Variants in EVC2 observed in about 807,000 individuals in gnomAD.
The protein encoded by EVC2 is EvC ciliary complex subunit 2.
Under a neutral mutation model 149.3 loss-of-function variants are expected in EVC2, and 148 were observed. The observed-to-expected ratio is 0.99, with a 90% CI of 0.87 to 1.14. The LOEUF is 1.14. EVC2 is among the 50% of genes most tolerant of loss of function. EVC2 has a pLI of 0.00. For missense variants in EVC2, 1,854 were observed against 1,627.3 expected, an observed-to-expected ratio of 1.14 and a Z score of -2.40; for synonymous variants, 776 against 649.9, an observed-to-expected ratio of 1.19 and a Z score of -2.95.
intron 16 of EVC2, among the ~76,000 whole-genome samples, chr4:5,586,441 C>G (rs1247017220): frequency 6.6e-6 from 1 of 152,108 alleles, no homozygotes; most frequent in Non-Finnish European, 1.5e-5. Context: ...CCACTCCTCT[C>G]AGCAAGGGGA....
intron 6 of EVC2, among the ~76,000 whole-genome samples, 176 bp downstream of exon 6, chr4:5,685,194 A>G (rs1720611178): frequency 6.6e-6 from 1 of 152,210 alleles, no homozygotes; most frequent in African/African-American, 2.4e-5. Flanking sequence ...GGCATTACTA[A>G]GGGAGCCCAG....
chr4:5,706,197 C>T (rs1024434207), intron 1 of EVC2, among the ~76,000 whole-genome samples: 4 of 151,792 alleles, frequency 2.6e-5, no homozygotes, highest in Non-Finnish European at 5.9e-5. Flanking sequence ...TCTCACGGCT[C>T]CCCATCCTCC....
intron 16 of EVC2, among the ~76,000 whole-genome samples, chr4:5,593,202 G>A (rs1273305515): frequency 1.3e-5 from 2 of 152,120 alleles, no homozygotes; most frequent in Non-Finnish European, 2.9e-5. Flanking sequence ...TTATAGTAGT[G>A]TGAGAATGGA....
At chr4:5,654,420 CCT>C (rs1213651320) in intron 9 of EVC2, among the ~76,000 whole-genome samples, 1 of 152,170 alleles carries the variant, frequency 6.6e-6, no homozygotes, top group African/African-American at 2.4e-5. Context: ...CCAGAGGGGA[CCT>C]CTCACTGGAG....
exon 22 of EVC2, chr4:5,543,051 C>G (rs1006663963): frequency 5.1e-6 from 5 of 973,468 alleles, no homozygotes; most frequent in East Asian, 6.1e-5. Context: ...CTTACTATTA[C>G]GCAAACAGAG....
At chr4:5,566,982 T>G (rs1374948597) in intron 20 of EVC2, among the ~76,000 whole-genome samples, 1 of 152,134 alleles carries the variant, frequency 6.6e-6, no homozygotes, top group Non-Finnish European at 1.5e-5. Flanking sequence ...TTAATAATAG[T>G]AATATGATTG....
Position 5,614,295 on chromosome 4 carries a change from C to A in EVC2, c.2829+1127G>T, listed in dbSNP as rs192763640. Reference sequence around the variant, plus strand: ...GTCTATCATTTTAAGTGTTTATGATCCATTTCCCCCAACTAGAACGGGCTC... The same window carrying A: ...GTCTATCATTTTAAGTGTTTATGATACATTTCCCCCAACTAGAACGGGCTC... On this transcript the variant is annotated intron_variant, in intron 16 of 21. Transcript: ENST00000344408. This position sits in a 1 kb window ranked among gnomAD's most constrained non-coding sequence, Gnocchi z 4.7. Among the ~76,000 whole-genome samples, 5 of 152,308 alleles carry A rather than the reference C, an allele frequency of 3.3e-5. No individual in the cohort carries two copies. The highest frequency in any genetic ancestry group is 3.3e-4 in the Admixed American group (5 of 15,302).
chr4:5,602,348 C>A (rs1469345865), intron 16 of EVC2, among the ~76,000 whole-genome samples: 6 of 108,584 alleles, frequency 5.5e-5, no homozygotes, highest in Non-Finnish European at 1.0e-4. Flanking sequence ...ATGATAAATA[C>A]ATAGAAAAGT....
In EVC2 at chr4:5,600,049, A is replaced by G. The variant is rs532504325; in HGVS notation, c.2830-15199T>C. Among the ~76,000 whole-genome samples, 8 of 152,322 alleles carry G rather than the reference A, an allele frequency of 5.3e-5. No homozygotes were observed. The South Asian group carries it at 1.2e-3, about 24-fold the overall frequency. On this transcript the variant is annotated intron_variant, in intron 16 of 21. Coordinates refer to ENST00000344408, the MANE Select transcript of EVC2 (RefSeq NM_147127.5). ...CATTATCAAAGTGCAAATTCCCCAA[A>G]GAAATGAGGGGCATCCCTTCACATC...
Position 5,576,140 on chromosome 4 carries a change from G to A in EVC2, c.3272+100C>T, listed in dbSNP as rs568564109. On this transcript the variant is annotated intron_variant, in intron 18 of 21. Coordinates refer to ENST00000344408, the MANE Select transcript of EVC2 (RefSeq NM_147127.5). The surrounding 1 kb of genome is among the most constrained non-coding windows in gnomAD (Gnocchi z 4.5). ...GGGATGACACCTTAGGCAAGAGGGT[G>A]AGAGCCCAGGTGGGTATGGGTGGGC... The A allele has an allele frequency of 4.0e-5, 63 of 1,589,856 alleles. 1 individual carries two copies. The South Asian group carries it at 6.2e-4, about 16-fold the overall frequency.
rs1048304872 is a variant in EVC2, at chr4:5,663,152, A to T, written c.1100T>A (p.Ile367Asn). Residue 367 changes from isoleucine (I) to asparagine (N), a missense_variant, in exon 9 of 22, where the codon ATT (isoleucine) becomes AAT (asparagine). Coordinates refer to ENST00000344408, the MANE Select transcript of EVC2 (RefSeq NM_147127.5). ...DLSLNDQMID[I>N]LSSEDPGSML... Reference sequence around the variant, plus strand: ...GCTCCCAGGGTCCTCGGAAGACAGAATGTCTATCATTTGGTCGTTAAGGGA... The same window carrying T: ...GCTCCCAGGGTCCTCGGAAGACAGATTGTCTATCATTTGGTCGTTAAGGGA... 1.9e-6 allele frequency: 3 copies of T among 1,614,074 alleles called. No homozygotes were observed. The highest frequency in any genetic ancestry group is 2.5e-6 in the Non-Finnish European group (3 of 1,180,034).
At chr4:5,582,236 T>C (rs1711860427) in intron 17 of EVC2, among the ~76,000 whole-genome samples, 1 of 152,220 alleles carries the variant, frequency 6.6e-6, no homozygotes, top group Non-Finnish European at 1.5e-5. Flanking sequence ...CTAGAAATAT[T>C]GCAGGCACTC....
chr4:5,634,919 G>A (rs1716788410), intron 10 of EVC2, among the ~76,000 whole-genome samples: 1 of 151,982 alleles, frequency 6.6e-6, no homozygotes, highest in African/African-American at 2.4e-5. Flanking sequence ...GTCCACCAAA[G>A]GGCTCTGCAG....
At chr4:5,579,160 AG>A (rs887971267) in intron 17 of EVC2, among the ~76,000 whole-genome samples, 4 of 152,076 alleles carry the variant, frequency 2.6e-5, no homozygotes, top group South Asian at 4.2e-4. Context: ...GCCACCGTGC[AG>A]GGGGGTAACT....
At chr4:5,628,788 A>T in intron 11 of EVC2, 54 bp from the exon 12 acceptor site, 1 of 1,525,098 alleles carries the variant, frequency 6.6e-7, no homozygotes, top group East Asian at 2.2e-5. Flanking sequence ...TTTAGAGCAT[A>T]ATCTTTCTAG....
At chr4:5,531,687 C>G in the EVC2 span, among the ~76,000 whole-genome samples, 1 of 151,856 alleles carries the variant, frequency 6.6e-6, no homozygotes, top group Non-Finnish European at 1.5e-5. Flanking sequence ...GTCACTGTCT[C>G]CCATCACCTC....
At chr4:5,599,969 A>G (rs867553069) in intron 16 of EVC2, among the ~76,000 whole-genome samples, 2 of 152,218 alleles carry the variant, frequency 1.3e-5, no homozygotes, top group African/African-American at 4.8e-5. Flanking sequence ...AATTTTAGAC[A>G]CAGACAAATT....
intron 7 of EVC2, among the ~76,000 whole-genome samples, chr4:5,671,400 G>A (rs1057453888): frequency 2.0e-5 from 3 of 152,164 alleles, no homozygotes; most frequent in Non-Finnish European, 4.4e-5. Context: ...CAGCAGGGCA[G>A]GATTTTGGAA....
Position 5,576,575 on chromosome 4 carries a change from C to A in EVC2, c.3058-121G>T. The A allele has an allele frequency of 6.6e-7, 1 of 1,517,392 alleles. No individual in the cohort carries two copies. Among genetic ancestry groups the A allele is most frequent in the Non-Finnish European group, 8.8e-7 (1 of 1,132,798 alleles). The allele number at this position is 1,517,392 out of a possible 1,614,324, so 94.0% of individuals were successfully genotyped here. ...GCATGACTCTGTCTTGCCTGGTTCC[C>A]CATCCAGCTGTGCCACATGGTGCAA... On this transcript the variant is annotated intron_variant, in intron 17 of 21. Coordinates refer to ENST00000344408, the MANE Select transcript of EVC2 (RefSeq NM_147127.5). The surrounding 1 kb of genome is among the most constrained non-coding windows in gnomAD (Gnocchi z 4.5).
Sources: gnomAD v4.1 joint callset for allele counts (sites outside exome capture counted in the v4.1 genomes callset) on GRCh38, gnomAD v4.1.1 for gene constraint, Gnocchi (gnomAD v3.1) non-coding constraint, MANE v1.5 for transcripts, NCBI Gene and HGNC (gene_info 2026-07-23, HGNC 2026-07-21) for gene names.